CDH13: variants seen among roughly 807,000 people sequenced by gnomAD.
The protein encoded by CDH13 is cadherin-13.
CDH13 carries 24 observed loss-of-function variants against 63.8 expected under a neutral mutation model. The ratio of observed to expected loss-of-function variants is 0.38; its 90% CI spans 0.27 to 0.53. The LOEUF (loss-of-function observed/expected upper bound fraction) is 0.53, where lower values mean the gene tolerates loss of function less well. CDH13 is among the 20% of genes least tolerant of loss of function. The pLI, the probability that CDH13 is intolerant of heterozygous loss-of-function variation, is 0.85. For missense variants in CDH13, 1,049 were observed against 903.1 expected (o/e 1.16, Z -2.07); for synonymous variants, 503 against 355.3 (o/e 1.42, Z -4.67).
At chr16:83,406,780 C>G (rs1432639273) in intron 6 of CDH13, among the ~76,000 whole-genome samples, 1 of 152,106 alleles carries the variant, frequency 6.6e-6, no homozygotes, top group Admixed American at 6.6e-5. Flanking sequence ...CTGCCTCTTT[C>G]TAGCTGAGGA....
chr16:82,794,168 T>TTTTTC (rs544571328), intron 1 of CDH13, among the ~76,000 whole-genome samples: 5 of 150,880 alleles, frequency 3.3e-5, no homozygotes, highest in Non-Finnish European at 7.4e-5. Context: ...TTTGCAATTT[T>TTTTTC]TTTTCTTTTC....
At chr16:82,861,988 A>G (rs2039964971) in intron 2 of CDH13, among the ~76,000 whole-genome samples, 1 of 152,196 alleles carries the variant, frequency 6.6e-6, no homozygotes, top group Non-Finnish European at 1.5e-5. Context: ...TCAATGAAAA[A>G]TACAAGAAGA....
In CDH13 at chr16:82,836,702, G is replaced by A. The variant is rs1334004182; in HGVS notation, c.46-21660G>A. Among the ~76,000 whole-genome samples the A allele has an allele frequency of 4.6e-5, 7 of 152,106 alleles. No homozygotes were observed. The South Asian group carries it at 6.2e-4, about 13-fold the overall frequency. ...CCACGATGATGAGCCTGCTGATGCC[G>A]ACTTCCTGCATTCTGTGGTACACCT... On this transcript the variant is annotated intron_variant, in intron 1 of 13. Transcript: ENST00000567109.
At chr16:83,137,405 A>G (rs1464849214) in intron 4 of CDH13, among the ~76,000 whole-genome samples, 5 of 152,216 alleles carry the variant, frequency 3.3e-5, no homozygotes, top group South Asian at 4.1e-4. Flanking sequence ...GTGAGGAGAA[A>G]TGAGGTTAAC....
intron 1 of CDH13, among the ~76,000 whole-genome samples, chr16:82,692,369 G>T (rs530497385): frequency 4.6e-5 from 7 of 152,358 alleles, no homozygotes; most frequent in South Asian, 2.1e-4. Flanking sequence ...TCACAGTTCT[G>T]TATGGTAGCG....
At chr16:83,350,145 C>T (rs1201437376) in intron 6 of CDH13, among the ~76,000 whole-genome samples, 2 of 152,180 alleles carry the variant, frequency 1.3e-5, no homozygotes, top group Non-Finnish European at 1.5e-5. Flanking sequence ...TGGGATCCAT[C>T]AGCTCCAATA....
intron 1 of CDH13, among the ~76,000 whole-genome samples, chr16:82,712,326 C>G (rs1050846984): frequency 6.6e-6 from 1 of 152,132 alleles, no homozygotes; most frequent in African/African-American, 2.4e-5. Flanking sequence ...CTTTGAAGCA[C>G]AAACCTCCAC....
chr16:82,720,887 CT>C, intron 1 of CDH13, among the ~76,000 whole-genome samples: 1 of 152,238 alleles, frequency 6.6e-6, no homozygotes, highest in East Asian at 1.9e-4. Flanking sequence ...TGAAACAAAG[CT>C]TGGTAAATAG....
chr16:82,688,915 G>A (rs1247213075), intron 1 of CDH13: 1 of 152,154 alleles, frequency 6.6e-6, no homozygotes, highest in East Asian at 1.9e-4. Flanking sequence ...CCAGAGAGGG[G>A]CTTGGTCAGG....
chr16:82,978,142 A>T (rs1305609273), intron 2 of CDH13, among the ~76,000 whole-genome samples: 1 of 152,172 alleles, frequency 6.6e-6, no homozygotes, highest in Non-Finnish European at 1.5e-5. Context: ...CAAGCAGCAG[A>T]GCCTTCAAGA....
chr16:83,320,013 C>T (rs2090186956), intron 5 of CDH13, among the ~76,000 whole-genome samples: 2 of 152,154 alleles, frequency 1.3e-5, no homozygotes, highest in African/African-American at 4.8e-5. Context: ...CAGGTGGTCA[C>T]ACCTCAGTTA....
chr16:82,995,437 C>T (rs1415316005), intron 2 of CDH13, among the ~76,000 whole-genome samples: 1 of 152,128 alleles, frequency 6.6e-6, no homozygotes, highest in South Asian at 2.1e-4. Flanking sequence ...CTGTTTTTCC[C>T]TTCTTCAGCT....
At chr16:83,400,772 A>T (rs2091956266) in intron 6 of CDH13, among the ~76,000 whole-genome samples, 1 of 152,082 alleles carries the variant, frequency 6.6e-6, no homozygotes, top group Non-Finnish European at 1.5e-5. Context: ...CACTCTTTCC[A>T]TTTGGCCCAG....
intron 5 of CDH13, among the ~76,000 whole-genome samples, chr16:83,250,242 C>G (rs1290846525): frequency 1.3e-5 from 2 of 152,096 alleles, no homozygotes; most frequent in Non-Finnish European, 2.9e-5. Context: ...AATGAGCATT[C>G]AAAAAAGTCA....
At chr16:83,503,060 G>A (rs1340658146) in intron 7 of CDH13, among the ~76,000 whole-genome samples, 1 of 152,182 alleles carries the variant, frequency 6.6e-6, no homozygotes. Context: ...AGGCTACACA[G>A]AGAGAGGGGC....
At position 82,789,967 on chromosome 16, in the gene CDH13, CA is replaced by C. The variant is rs563549466; in HGVS notation, c.46-68394del. ...CTGACATCTTTCTCAGACCAGCCCC[CA>C]TCTCTGTCTATTGGCGAGATTTCTT... On this transcript the variant is annotated intron_variant, in intron 1 of 13. Coordinates refer to ENST00000567109, the MANE Select transcript of CDH13 (RefSeq NM_001257.5). Among the ~76,000 whole-genome samples the C allele has an allele frequency of 7.0e-3, 1,060 of 152,282 alleles. 3 individuals are homozygous for C. Among genetic ancestry groups the C allele is most frequent in the Non-Finnish European group, 0.012 (806 of 68,024 alleles).
In CDH13 at chr16:83,529,975, G is replaced by T. The variant is rs142307181; in HGVS notation, c.960+43320G>T. ...GAGTGCAAAAGAACTTGTGAAATGG[G>T]GTCGGGTAAGAATCTAGTGACTTCT... On this transcript the variant is annotated intron_variant, in intron 7 of 13. Coordinates refer to ENST00000567109, the MANE Select transcript of CDH13 (RefSeq NM_001257.5). Among the ~76,000 whole-genome samples, 1,120 of 152,194 alleles carry T rather than the reference G, an allele frequency of 7.4e-3. 14 individuals are homozygous for T. Among genetic ancestry groups the T allele is most frequent in the African/African-American group, 0.026 (1,070 of 41,498 alleles).
chr16:83,715,559 A>G (rs747738421), intron 10 of CDH13, among the ~76,000 whole-genome samples: 2 of 152,214 alleles, frequency 1.3e-5, no homozygotes, highest in Non-Finnish European at 2.9e-5. Context: ...TGTGTCTTAA[A>G]TGGTATTTTT....
At chr16:83,080,907 G>A (rs1245671662) in intron 3 of CDH13, among the ~76,000 whole-genome samples, 11 of 53,370 alleles carry the variant, frequency 2.1e-4, no homozygotes, top group African/African-American at 7.1e-4. Context: ...TTGAGACAGA[G>A]TTTTGCTGTT....
Sources: allele counts gnomAD v4.1 joint callset (sites outside exome capture counted in the v4.1 genomes callset), GRCh38; gene constraint gnomAD v4.1.1; transcripts MANE v1.5; gene names NCBI Gene and HGNC (gene_info 2026-07-23, HGNC 2026-07-21).